The following DOK5 variants were observed in gnomAD, a reference collection of about 807,000 sequenced individuals.
DOK5 encodes docking protein 5, also known as downstream of tyrosine kinase 5.
A neutral mutation model predicts 43.3 loss-of-function variants in DOK5; 27 were observed. The ratio of observed to expected loss-of-function variants is 0.62; its 90% CI spans 0.46 to 0.86. The LOEUF (loss-of-function observed/expected upper bound fraction) is 0.86. Ranked by LOEUF, DOK5 falls within the 40% of genes least tolerant of loss-of-function variation. The pLI is 0.00. For synonymous variants in DOK5, 146 were observed against 140.1 expected (o/e 1.04, Z -0.30); for missense variants, 373 against 392.9 (o/e 0.95, Z 0.43).
At chr20:54,643,785 C>T (rs905888324) in intron 7 of DOK5, among the ~76,000 whole-genome samples, 6 of 152,186 alleles carry the variant, frequency 3.9e-5, no homozygotes, top group African/African-American at 1.4e-4. Context: ...GTATCTATCA[C>T]AGTGTCCGGG....
chr20:54,490,781 G>A (rs950961255), intron 1 of DOK5, among the ~76,000 whole-genome samples: 30 of 151,998 alleles, frequency 2.0e-4, no homozygotes, highest in African/African-American at 6.8e-4. Flanking sequence ...GTAGAGATGG[G>A]GTTTCACCAT....
At chr20:54,558,987 T>G (rs1309773222) in intron 2 of DOK5, among the ~76,000 whole-genome samples, 2 of 152,180 alleles carry the variant, frequency 1.3e-5, no homozygotes, top group African/African-American at 4.8e-5. Context: ...ATTTTTTATT[T>G]CTTACTTCCT....
chr20:54,599,092 G>T (rs983998892), intron 5 of DOK5, among the ~76,000 whole-genome samples: 2 of 152,126 alleles, frequency 1.3e-5, no homozygotes, highest in Admixed American at 6.5e-5. Context: ...TTCTTAGGTA[G>T]CTTCTTAGTA....
At chr20:54,644,783 A>G (rs890382842) in intron 7 of DOK5, among the ~76,000 whole-genome samples, 6 of 151,084 alleles carry the variant, frequency 4.0e-5, no homozygotes, top group African/African-American at 1.5e-4. Context: ...CAGGGGAATC[A>G]CCTGAACCTG....
intron 1 of DOK5, among the ~76,000 whole-genome samples, chr20:54,498,226 C>A (rs1270449548): frequency 6.6e-6 from 1 of 152,156 alleles, no homozygotes; most frequent in Non-Finnish European, 1.5e-5. Flanking sequence ...ATTATTGTGT[C>A]ATTGTCAGAG....
At position 54,497,198 on chromosome 20, in the gene DOK5, C is replaced by T. The variant is rs143355750; in HGVS notation, c.66+21186C>T. Among the ~76,000 whole-genome samples, 75 of 152,300 alleles carry T rather than the reference C, an allele frequency of 4.9e-4. No homozygotes were observed. The East Asian group carries it at 0.013, about 27-fold the overall frequency. On this transcript the variant is annotated intron_variant, in intron 1 of 7. Transcript: ENST00000262593. ...CTTTGAAAAGCAGATTCTGAAGTTG[C>T]GGACCATGGCTGGTTGTTCACCTGG...
chr20:54,646,592 A>G (rs995860153), intron 7 of DOK5, among the ~76,000 whole-genome samples: 1 of 152,202 alleles, frequency 6.6e-6, no homozygotes, highest in African/African-American at 2.4e-5. Flanking sequence ...AATAATAAGT[A>G]TTGAAGATTT....
chr20:54,632,795 G>A (rs761174447), intron 6 of DOK5, among the ~76,000 whole-genome samples: 6 of 152,200 alleles, frequency 3.9e-5, no homozygotes, highest in Non-Finnish European at 8.8e-5. Context: ...ACAAATTCCT[G>A]GCCGGGAGCA....
chr20:54,557,491 T>G (rs1984744342), intron 2 of DOK5, among the ~76,000 whole-genome samples: 1 of 152,214 alleles, frequency 6.6e-6, no homozygotes, highest in Non-Finnish European at 1.5e-5. Context: ...AGACCAGTAC[T>G]GGTCCAGTAC....
At chr20:54,619,211 G>T (rs1311254545) in intron 6 of DOK5, among the ~76,000 whole-genome samples, 1 of 149,966 alleles carries the variant, frequency 6.7e-6, no homozygotes, top group Non-Finnish European at 1.5e-5. Flanking sequence ...TCTAAAGGGG[G>T]TGCTGGAAGA....
chr20:54,587,901 T>G (rs1985858748), intron 2 of DOK5, among the ~76,000 whole-genome samples: 1 of 152,164 alleles, frequency 6.6e-6, no homozygotes, highest in Non-Finnish European at 1.5e-5. Context: ...CCAAATTCAT[T>G]ATGTACTTTC....
intron 2 of DOK5, among the ~76,000 whole-genome samples, chr20:54,577,983 A>C (rs1424770374): frequency 2.0e-5 from 3 of 152,244 alleles, no homozygotes; most frequent in Non-Finnish European, 4.4e-5. Flanking sequence ...ATCTAGGACA[A>C]AAAATGAAGG....
At chr20:54,578,699 A>C (rs1001509646) in intron 2 of DOK5, among the ~76,000 whole-genome samples, 4 of 152,196 alleles carry the variant, frequency 2.6e-5, no homozygotes, top group African/African-American at 9.6e-5. Context: ...TCTCCTTTAG[A>C]AAATTTATAA....
At chr20:54,538,163 G>A (rs1292755175) in intron 1 of DOK5, among the ~76,000 whole-genome samples, 5 of 149,604 alleles carry the variant, frequency 3.3e-5, no homozygotes, top group Admixed American at 2.7e-4. Context: ...GAGTAATGTC[G>A]TTTCATTATT....
intron 1 of DOK5, among the ~76,000 whole-genome samples, chr20:54,540,489 C>T (rs1431143561): frequency 6.6e-6 from 1 of 152,084 alleles, no homozygotes; most frequent in Non-Finnish European, 1.5e-5. Context: ...GGAGTGTTTG[C>T]TATATACCAA....
chr20:54,482,792 C>T (rs1056328888), intron 1 of DOK5, among the ~76,000 whole-genome samples: 6 of 152,186 alleles, frequency 3.9e-5, no homozygotes, highest in Admixed American at 2.0e-4. Flanking sequence ...CCACCGTGCC[C>T]GGCCTCATCA....
chr20:54,629,337 T>C (rs1978456967), intron 6 of DOK5, among the ~76,000 whole-genome samples: 1 of 152,190 alleles, frequency 6.6e-6, no homozygotes, highest in Non-Finnish European at 1.5e-5. Context: ...GTGATTTATT[T>C]TGAGATGCAT....
At chr20:54,633,906 G>C (rs918917482) in intron 6 of DOK5, among the ~76,000 whole-genome samples, 3 of 152,154 alleles carry the variant, frequency 2.0e-5, no homozygotes, top group East Asian at 1.9e-4. Flanking sequence ...ACATCCTGTC[G>C]TGCTGTTCAA....
chr20:54,617,044 C>A (rs1346071676), intron 6 of DOK5, among the ~76,000 whole-genome samples: 1 of 152,126 alleles, frequency 6.6e-6, no homozygotes, highest in African/African-American at 2.4e-5. Context: ...CCCGCCTTGG[C>A]CTCCCAAAGT....
Sources: gnomAD v4.1 joint callset for allele counts (sites outside exome capture counted in the v4.1 genomes callset) on GRCh38, gnomAD v4.1.1 for gene constraint, MANE v1.5 for transcripts, NCBI Gene and HGNC (gene_info 2026-07-23, HGNC 2026-07-21) for gene names.